DST: variants seen among roughly 807,000 people sequenced by gnomAD.
DST encodes dystonin.
DST carries 253 observed loss-of-function variants against 875.2 expected under a neutral mutation model. The ratio of observed to expected loss-of-function variants is 0.29; its 90% CI spans 0.26 to 0.32. The LOEUF is 0.32. Ranked by LOEUF, DST falls within the 10% of genes least tolerant of loss-of-function variation. The pLI, the probability that DST is intolerant of heterozygous loss-of-function variation, is 1.00. For missense variants in DST, 8,287 were observed against 9,111.6 expected, an observed-to-expected ratio of 0.91 and a Z score of 3.68; for synonymous variants, 3,124 against 3,197.1, an observed-to-expected ratio of 0.98 and a Z score of 0.77.
intron 4 of DST, among the ~76,000 whole-genome samples, chr6:56,745,555 T>C (rs1198664566): frequency 6.6e-6 from 1 of 152,082 alleles, no homozygotes; most frequent in Non-Finnish European, 1.5e-5. Context: ...TTTAAAATAG[T>C]TGGGTGGGAA....
rs757451492 is a variant in DST at position 56,851,446 on chromosome 6, T to C, written c.576A>G (p.Gln192=). ...CGGCAGGGTCCAGCACTGAGCCCCC[T>C]TGAATCTTTCTTTTCGATCTCTCAT... ...PKHERSKRKI[Q]GGSVLDPAER... The change falls in exon 4 of 104, where the codon CAA becomes CAG. Residue 192 remains glutamine, a synonymous_variant. Transcript: ENST00000680361. The C allele has an allele frequency of 3.7e-6, 6 of 1,613,940 alleles. No homozygotes were observed. In the South Asian group the frequency reaches 4.4e-5, roughly 12 times the overall value.
chr6:56,603,398 G>A lies in DST; in HGVS notation c.10964C>T (p.Pro3655Leu). The change falls in exon 42 of 104, where the codon CCA becomes CTA. Residue 3655 changes from proline (P) to leucine (L), a missense_variant. Pro to Leu is a moderately conservative substitution (Grantham distance 98). Around this residue, in one of 10 missense-constraint regions of DST, gnomAD observed 3,138 missense variants for 3,116.6 expected, o/e 1.01. Coordinates refer to ENST00000680361, the MANE Select transcript of DST (RefSeq NM_001374736.1). ...ATCTTTTCTTAAAATAACAGCAATT[G>A]GAGCTAATCCCAATTCAAATGTCTG... ...QLETFELGLAPIAVILRKDMK... is the reference protein window; with the variant it reads ...QLETFELGLALIAVILRKDMK... 2 of 1,610,364 alleles carry A rather than the reference G, an allele frequency of 1.2e-6. No homozygotes were observed. The highest frequency in any genetic ancestry group is 1.7e-6 in the Non-Finnish European group (2 of 1,178,964).
At chr6:56,627,092 C>A in intron 34 of DST, 112 bp downstream of exon 34, 1 of 856,436 alleles carries the variant, frequency 1.2e-6, no homozygotes, top group Non-Finnish European at 1.9e-6. Context: ...CAAAAAAGTT[C>A]AAATGAAGAT....
intron 2 of DST, among the ~76,000 whole-genome samples, chr6:56,930,958 C>T (rs556833769): frequency 6.6e-6 from 1 of 152,272 alleles, no homozygotes; most frequent in South Asian, 2.1e-4. Context: ...GTTATATACA[C>T]AGTCAGAAAT....
intron 2 of DST, among the ~76,000 whole-genome samples, chr6:56,907,400 G>C (rs138414745): frequency 1.3e-5 from 2 of 152,320 alleles, no homozygotes; most frequent in East Asian, 3.9e-4. Flanking sequence ...TGTATGTGTA[G>C]ATGGGCATAA....
intron 23 of DST, among the ~76,000 whole-genome samples, 154 bp downstream of exon 23, chr6:56,636,386 GTGTATACGTATGTGTGT>G: frequency 6.7e-6 from 1 of 149,380 alleles, no homozygotes; most frequent in South Asian, 2.1e-4. Flanking sequence ...ACACATATAT[GTGTATACGTATGTGTGT>G]ATATATATAC....
intron 4 of DST, among the ~76,000 whole-genome samples, chr6:56,747,163 A>G (rs747529903): frequency 2.6e-5 from 4 of 152,198 alleles, no homozygotes; most frequent in Non-Finnish European, 5.9e-5. Flanking sequence ...GAACAAAACA[A>G]ATGGTTTTGT....
At position 56,530,027 on chromosome 6, in the gene DST, C is replaced by T; in HGVS notation, c.17215G>A (p.Glu5739Lys). ...TTAGATGCTTGGGTTCCTATGGGTTCACAATTCACCAGCCTCTTTTCTATG... is the reference window on the plus strand; with the variant it reads ...TTAGATGCTTGGGTTCCTATGGGTTTACAATTCACCAGCCTCTTTTCTATG... ...TTIEKRLVNC[E>K]PIGTQASKLE... is the part of the protein sequence containing the mutation. Residue 5739 changes from glutamate (E) to lysine (K), a missense_variant, in exon 65 of 104, where the codon GAA (glutamate) becomes AAA (lysine). Physicochemically the swap from Glu to Lys is moderately conservative, Grantham distance 56. Transcript: ENST00000680361. 6.2e-7 allele frequency: 1 copy of T among 1,613,418 alleles called. No individual in the cohort carries two copies. The highest frequency in any genetic ancestry group is 8.5e-7 in the Non-Finnish European group (1 of 1,179,680).
chr6:56,713,633 G>A (rs1212563787), intron 5 of DST, among the ~76,000 whole-genome samples: 1 of 152,182 alleles, frequency 6.6e-6, no homozygotes, highest in African/African-American at 2.4e-5. Flanking sequence ...CAGGAAAGGT[G>A]CAGCCAGCCA....
chr6:56,870,527 C>A (rs1325823562), intron 3 of DST, among the ~76,000 whole-genome samples: 1 of 151,496 alleles, frequency 6.6e-6, no homozygotes, highest in East Asian at 1.9e-4. Flanking sequence ...TTTTGGGAGA[C>A]CGAGGTGGGC....
chr6:56,890,904 A>G (rs1323549764), intron 3 of DST, among the ~76,000 whole-genome samples: 1 of 152,220 alleles, frequency 6.6e-6, no homozygotes, highest in East Asian at 1.9e-4. Flanking sequence ...CTGAATCACC[A>G]TAACTGATTT....
intron 4 of DST, among the ~76,000 whole-genome samples, chr6:56,761,703 T>C (rs1408895807): frequency 2.0e-5 from 3 of 151,058 alleles, no homozygotes; most frequent in Admixed American, 6.6e-5. Flanking sequence ...TAGGAACCTA[T>C]TAAAAAAAAA....
chr6:56,801,054 T>A (rs371523269), intron 4 of DST, among the ~76,000 whole-genome samples: 1 of 149,780 alleles, frequency 6.7e-6, no homozygotes, highest in African/African-American at 2.5e-5. Context: ...AAACCTCCTA[T>A]CTACTCACAC....
At position 56,593,801 on chromosome 6, in the gene DST, A is replaced by C; in HGVS notation, c.12588T>G (p.Ile4196Met). The C allele has an allele frequency of 2.5e-6, 4 of 1,613,922 alleles. No individual in the cohort carries two copies. Among genetic ancestry groups the C allele is most frequent in the Non-Finnish European group, 3.4e-6 (4 of 1,179,876 alleles). ...CAGCTTCCAACACTCTGTTTCCAGA[A>C]ATTGTGATGTATCTCAAGTCACCTT... ...SHKGDLRYIT[I>M]SGNRVLEAAK... The change falls in exon 48 of 104, where the codon ATT becomes ATG. Residue 4196 changes from isoleucine (I) to methionine (M), a missense_variant. Coordinates refer to ENST00000680361, the MANE Select transcript of DST (RefSeq NM_001374736.1).
intron 2 of DST, among the ~76,000 whole-genome samples, chr6:56,937,185 T>C (rs1813438859): frequency 6.6e-6 from 1 of 152,066 alleles, no homozygotes; most frequent in Admixed American, 6.6e-5. Flanking sequence ...ATTGGACTTA[T>C]TAAAATTTTT....
chr6:56,619,628 T>C, intron 36 of DST: 1 of 1,613,946 alleles, frequency 6.2e-7, no homozygotes, highest in Non-Finnish European at 8.5e-7. Context: ...TTCTAACTGA[T>C]AATTGCGCTT....
Position 56,597,723 on chromosome 6 carries a change from T to C in DST, c.12195+17A>G. The stretch of plus-strand genomic sequence containing the variant: ...GGAAATAGAATTGAACGATATCATA[T>C]GTTTATAACAACACACCTTAACTTT... On this transcript the variant is annotated intron_variant, in intron 47 of 103. Transcript: ENST00000680361. 1 of 1,602,948 alleles carries C rather than the reference T, an allele frequency of 6.2e-7. No individual in the cohort carries two copies. Among genetic ancestry groups the C allele is most frequent in the South Asian group, 1.1e-5 (1 of 89,648 alleles).
chr6:56,799,042 G>C (rs1325570443), intron 4 of DST, among the ~76,000 whole-genome samples: 1 of 152,232 alleles, frequency 6.6e-6, no homozygotes, highest in African/African-American at 2.4e-5. Flanking sequence ...GTGGTTTCTT[G>C]AGGCAGAATC....
chr6:56,883,972 A>T (rs1294153510), intron 3 of DST, among the ~76,000 whole-genome samples: 1 of 152,174 alleles, frequency 6.6e-6, no homozygotes, highest in Non-Finnish European at 1.5e-5. Context: ...TCTTCAAAAA[A>T]ATTAAAAAAT....
Sources: gnomAD v4.1 joint callset for allele counts (sites outside exome capture counted in the v4.1 genomes callset) on GRCh38, gnomAD v4.1.1 for gene constraint, gnomAD v4.1.1 regional missense constraint, MANE v1.5 for transcripts, NCBI Gene and HGNC (gene_info 2026-07-23, HGNC 2026-07-21) for gene names.